AFG1L: variants seen among roughly 807,000 people sequenced by gnomAD.
AFG1L encodes AFG1 like ATPase.
A neutral mutation model predicts 62.2 loss-of-function variants in AFG1L; 53 were observed. The ratio of observed to expected loss-of-function variants is 0.85; its 90% CI spans 0.68 to 1.07. The LOEUF is 1.07. AFG1L is among the 50% of genes least tolerant of loss of function. The probability of loss-of-function intolerance (pLI) is 0.00; values close to 1 mark genes in which losing one functional copy is unlikely to be tolerated. For missense variants in AFG1L, 555 were observed against 590.5 expected, an observed-to-expected ratio of 0.94 and a Z score of 0.62; for synonymous variants, 228 against 210.3, an observed-to-expected ratio of 1.08 and a Z score of -0.73.
chr6:108,477,117 C>A, intron 9 of AFG1L, 75 bp from the exon 10 acceptor site: 1 of 1,048,282 alleles, frequency 9.5e-7, no homozygotes, highest in Non-Finnish European at 1.4e-6. Context: ...TCAAGCTATG[C>A]ATTTCCTATC....
chr6:108,435,336 G>T (rs1432926001), intron 7 of AFG1L, among the ~76,000 whole-genome samples: 1 of 152,154 alleles, frequency 6.6e-6, no homozygotes, highest in Non-Finnish European at 1.5e-5. Context: ...TATCTGACAA[G>T]AGCAGGGAAT....
At chr6:108,449,012 G>T in intron 8 of AFG1L, among the ~76,000 whole-genome samples, 1 of 151,924 alleles carries the variant, frequency 6.6e-6, no homozygotes, top group Non-Finnish European at 1.5e-5. Context: ...AGTGGGTGTG[G>T]TGGCACCTGC....
intron 10 of AFG1L, among the ~76,000 whole-genome samples, chr6:108,485,871 C>T (rs984218405): frequency 3.3e-5 from 5 of 149,970 alleles, no homozygotes; most frequent in African/African-American, 4.9e-5. Flanking sequence ...AGGGTTTTGC[C>T]GTGTTGCCCA....
At chr6:108,424,206 G>A (rs1770718743) in intron 7 of AFG1L, among the ~76,000 whole-genome samples, 1 of 152,028 alleles carries the variant, frequency 6.6e-6, no homozygotes, top group Non-Finnish European at 1.5e-5. Context: ...AAACCTGTGT[G>A]AGCTCATTTC....
chr6:108,447,413 A>G (rs1015296449), intron 8 of AFG1L, 117 bp downstream of exon 8: 1 of 578,808 alleles, frequency 1.7e-6, no homozygotes, highest in South Asian at 2.4e-5. Flanking sequence ...CATGATTTTT[A>G]AATTGCAAAT....
At chr6:108,448,353 A>G (rs1481723085) in intron 8 of AFG1L, among the ~76,000 whole-genome samples, 1 of 151,686 alleles carries the variant, frequency 6.6e-6, no homozygotes, top group Non-Finnish European at 1.5e-5. Context: ...TGGATATTTT[A>G]TTTTTCTAAT....
At chr6:108,324,622 C>T (rs1777962261) in intron 2 of AFG1L, among the ~76,000 whole-genome samples, 1 of 152,082 alleles carries the variant, frequency 6.6e-6, no homozygotes, top group African/African-American at 2.4e-5. Flanking sequence ...GGAAGCAACT[C>T]ACAACCCTGC....
At chr6:108,302,029 C>G (rs1777020944) in intron 1 of AFG1L, among the ~76,000 whole-genome samples, 1 of 151,846 alleles carries the variant, frequency 6.6e-6, no homozygotes. Context: ...TAACTGCAAC[C>G]TCCGTCTCCT....
chr6:108,329,421 C>A (rs1224395326), intron 2 of AFG1L, among the ~76,000 whole-genome samples: 1 of 152,068 alleles, frequency 6.6e-6, no homozygotes, highest in African/African-American at 2.4e-5. Context: ...GTCTCGGCCT[C>A]CCGAGTAGCT....
At chr6:108,483,335 CT>C (rs1456657827) in intron 10 of AFG1L, among the ~76,000 whole-genome samples, 31 of 152,124 alleles carry the variant, frequency 2.0e-4, no homozygotes, top group African/African-American at 7.2e-4. Flanking sequence ...GTTTTAATTT[CT>C]ATTACAGTAA....
chr6:108,510,929 T>C (rs557018347), intron 11 of AFG1L, among the ~76,000 whole-genome samples: 38 of 150,838 alleles, frequency 2.5e-4, no homozygotes, highest in African/African-American at 9.0e-4. Context: ...ATAAGAAAAT[T>C]AGCTGGGTGT....
rs1777658232 is a variant in AFG1L at position 108,317,703 on chromosome 6, G to A, written c.140-6122G>A. Among the ~76,000 whole-genome samples the A allele has an allele frequency of 6.6e-5, 10 of 152,256 alleles. 1 individual carries two copies. The South Asian group carries it at 2.1e-3, about 32-fold the overall frequency. ...TACAAAGGTGGCTTTTGGTTTTTGA[G>A]AAATGGTGGGGTTAGCCTAAGGGAG... On this transcript the variant is annotated intron_variant, in intron 1 of 12. Coordinates refer to ENST00000368977, the MANE Select transcript of AFG1L (RefSeq NM_145315.5).
In AFG1L at chr6:108,457,897, C is replaced by T. The variant is rs144028554; in HGVS notation, c.890+10601C>T. Among the ~76,000 whole-genome samples the T allele has an allele frequency of 3.4e-3, 521 of 151,746 alleles. 4 individuals are homozygous for T. Among genetic ancestry groups the T allele is most frequent in the African/African-American group, 0.012 (498 of 41,384 alleles). ...GGCTGGCTTTCCTTTCTTCCTTCCC[C>T]CTTTTCTTCCTTCCTTCCTCTCTCT... On this transcript the variant is annotated intron_variant, in intron 8 of 12. Coordinates refer to ENST00000368977, the MANE Select transcript of AFG1L (RefSeq NM_145315.5).
intron 2 of AFG1L, among the ~76,000 whole-genome samples, chr6:108,326,455 A>G (rs1778048035): frequency 6.6e-6 from 1 of 152,092 alleles, no homozygotes; most frequent in African/African-American, 2.4e-5. Context: ...ACAACAGGAA[A>G]ACTCCTGTTC....
At chr6:108,493,030 G>T (rs1773832559) in intron 10 of AFG1L, among the ~76,000 whole-genome samples, 2 of 152,166 alleles carry the variant, frequency 1.3e-5, no homozygotes, top group African/African-American at 2.4e-5. Flanking sequence ...GATCTGGAAA[G>T]TATGGGTTCT....
Position 108,523,010 on chromosome 6 carries a change from A to G in AFG1L, c.*585A>G, listed in dbSNP as rs1480627784. The G allele has an allele frequency of 6.6e-6, 1 of 152,044 alleles. No individual in the cohort carries two copies. The highest frequency in any genetic ancestry group is 2.4e-5 in the African/African-American group (1 of 41,392). 9.4% of individuals were successfully genotyped at this position (152,044 alleles called of 1,614,324 possible). A position where few individuals can be genotyped will look rare whatever the true frequency, so the allele number is the denominator to read the frequency against. On this transcript the variant is annotated 3_prime_UTR_variant, in exon 13 of 13. Transcript: ENST00000368977. ...TTTTAACCCTGAGATCAAGTTTAGT[A>G]GGCAGGACTTGATCTCAAGTGGTCA...
At chr6:108,475,384 C>T (rs962315995) in intron 8 of AFG1L, among the ~76,000 whole-genome samples, 3 of 152,126 alleles carry the variant, frequency 2.0e-5, no homozygotes, top group East Asian at 1.9e-4. Flanking sequence ...TCAAAAGTAG[C>T]TTACTTTTAA....
intron 3 of AFG1L, among the ~76,000 whole-genome samples, chr6:108,352,972 C>A (rs985178041): frequency 1.3e-5 from 2 of 151,964 alleles, no homozygotes; most frequent in Admixed American, 1.3e-4. Flanking sequence ...TATGTATATA[C>A]CACTTTTTGT....
intron 2 of AFG1L, among the ~76,000 whole-genome samples, chr6:108,332,378 T>C (rs1464539205): frequency 1.3e-5 from 2 of 152,162 alleles, no homozygotes; most frequent in Non-Finnish European, 2.9e-5. Context: ...TAGAACAAAA[T>C]AGAAAGTTCA....
Sources: gnomAD v4.1 joint callset for allele counts (sites outside exome capture counted in the v4.1 genomes callset) on GRCh38, gnomAD v4.1.1 for gene constraint, MANE v1.5 for transcripts, NCBI Gene and HGNC (gene_info 2026-07-23, HGNC 2026-07-21) for gene names.